Variants in NFIA observed in about 807,000 individuals in gnomAD.
The protein encoded by NFIA is nuclear factor I A.
NFIA carries 8 observed loss-of-function variants against 62.8 expected under a neutral mutation model. That is an observed-to-expected ratio of 0.13 (90% CI 0.07 to 0.23). The LOEUF is 0.23. Ranked by LOEUF, NFIA falls within the 10% of genes least tolerant of loss-of-function variation. NFIA has a pLI of 1.00. For missense variants in NFIA, 410 were observed against 642.1 expected (o/e 0.64, Z 3.91); for synonymous variants, 235 against 238.1 (o/e 0.99, Z 0.12).
intron 7 of NFIA, among the ~76,000 whole-genome samples, chr1:61,388,742 T>C (rs973195324): frequency 6.6e-6 from 1 of 152,206 alleles, no homozygotes; most frequent in Non-Finnish European, 1.5e-5. Context: ...TCAGTGAAGA[T>C]TGTTTTTGGC....
At chr1:61,249,118 C>T (rs1182121399) in intron 2 of NFIA, 1 of 152,160 alleles carries the variant, frequency 6.6e-6, no homozygotes, top group African/African-American at 2.4e-5. Context: ...TCCTGAAAGA[C>T]ATAAAACAAT....
At chr1:61,083,861 G>T (rs1184225100) in intron 1 of NFIA, among the ~76,000 whole-genome samples, 1 of 152,034 alleles carries the variant, frequency 6.6e-6, no homozygotes, top group Non-Finnish European at 1.5e-5. Flanking sequence ...TCAGAGCATG[G>T]GGCTCTTGCG....
chr1:61,415,052 C>G (rs1251459927), intron 9 of NFIA, among the ~76,000 whole-genome samples: 2 of 152,100 alleles, frequency 1.3e-5, no homozygotes, highest in Non-Finnish European at 2.9e-5. Flanking sequence ...ACCAGTGCTG[C>G]TGCTATCCCA....
chr1:61,275,428 C>T (rs925127501), intron 2 of NFIA, among the ~76,000 whole-genome samples: 2 of 151,992 alleles, frequency 1.3e-5, no homozygotes, highest in Admixed American at 6.6e-5. Flanking sequence ...TCCCTTTTTG[C>T]TTTAATATTC....
chr1:61,423,867 C>G (rs1666747925), intron 9 of NFIA, among the ~76,000 whole-genome samples: 1 of 152,012 alleles, frequency 6.6e-6, no homozygotes, highest in Admixed American at 6.6e-5. Context: ...CCTTTATTTT[C>G]CCTGTGTCCT....
chr1:61,291,257 C>T (rs954208244), intron 3 of NFIA, among the ~76,000 whole-genome samples: 2 of 152,190 alleles, frequency 1.3e-5, no homozygotes, highest in Non-Finnish European at 2.9e-5. Context: ...GAATTCAGTT[C>T]TATCTGAGCA....
intron 3 of NFIA, among the ~76,000 whole-genome samples, chr1:61,308,253 G>A (rs1208692789): frequency 6.6e-6 from 1 of 152,158 alleles, no homozygotes; most frequent in Non-Finnish European, 1.5e-5. Context: ...TAGAAAGCAG[G>A]TGATGATGAC....
intron 3 of NFIA, among the ~76,000 whole-genome samples, chr1:61,313,816 G>C (rs1660235066): frequency 6.6e-6 from 1 of 152,150 alleles, no homozygotes; most frequent in Non-Finnish European, 1.5e-5. Context: ...TCCGCCTCTG[G>C]AGTAGGTGTT....
In NFIA at chr1:61,088,789, A is replaced by G. The variant is rs1345621493; in HGVS notation, c.559+109A>G. The G allele has an allele frequency of 1.1e-5, 14 of 1,265,046 alleles. No homozygotes were observed. The highest frequency in any genetic ancestry group is 9.8e-6 in the Non-Finnish European group (9 of 921,436). 78.4% of individuals were successfully genotyped at this position (1,265,046 alleles called of 1,614,324 possible). A position where few individuals can be genotyped will look rare whatever the true frequency, so the allele number is the denominator to read the frequency against. The stretch of plus-strand genomic sequence containing the variant: ...GAGCTCCCCAAGTTGCAGGCCACGT[A>G]CATGAAGCCAGTGTGGTTTCAAAGA... On this transcript the variant is annotated intron_variant, in intron 2 of 10. Coordinates refer to ENST00000403491, the MANE Select transcript of NFIA (RefSeq NM_001134673.4). This position sits in a 1 kb window ranked among gnomAD's most constrained non-coding sequence, Gnocchi z 4.5.
intron 2 of NFIA, among the ~76,000 whole-genome samples, chr1:61,212,855 T>C (rs1653352903): frequency 6.6e-6 from 1 of 152,170 alleles, no homozygotes; most frequent in Non-Finnish European, 1.5e-5. Flanking sequence ...AAGTAGACCA[T>C]ACTTATTTTC....
intron 2 of NFIA, among the ~76,000 whole-genome samples, chr1:61,124,143 G>C (rs1437473842): frequency 6.6e-6 from 1 of 152,156 alleles, no homozygotes; most frequent in African/African-American, 2.4e-5. Context: ...GAGGACTGCT[G>C]GTGTAGTGAG....
At chr1:61,420,334 G>A (rs1433707839) in intron 9 of NFIA, among the ~76,000 whole-genome samples, 1 of 150,782 alleles carries the variant, frequency 6.6e-6, no homozygotes, top group Non-Finnish European at 1.5e-5. Context: ...TTTTCTAACA[G>A]TTTCTGCATT....
At chr1:61,202,492 T>C (rs556667364) in intron 2 of NFIA, among the ~76,000 whole-genome samples, 5 of 152,336 alleles carry the variant, frequency 3.3e-5, no homozygotes, top group African/African-American at 1.2e-4. Context: ...AATCCTTTCC[T>C]AGATATTCTG....
Position 61,334,535 on chromosome 1 carries a change from A to ATGTGTGTG in NFIA, c.700+1963_700+1970dup, listed in dbSNP as rs35661377. Among the ~76,000 whole-genome samples the ATGTGTGTG allele has an allele frequency of 4.9e-3, 286 of 58,398 alleles. 22 individuals are homozygous for ATGTGTGTG. The highest frequency in any genetic ancestry group is 0.029 in the African/African-American group (253 of 8,604). 38.3% of individuals were successfully genotyped at this position (58,398 alleles called of 152,430 possible). Reference sequence around the variant, plus strand: ...GGGGAGTATTTGTGTGTGTGTATATATGTGTGTGTGTGTGTGTGTGTATAT... The same window carrying ATGTGTGTG: ...GGGGAGTATTTGTGTGTGTGTATATATGTGTGTGTGTGTGTGTGTGTGTGTGTGTATAT... On this transcript the variant is annotated intron_variant, in intron 4 of 10. Transcript: ENST00000403491.
chr1:61,126,464 A>ACACACACACT, intron 2 of NFIA, among the ~76,000 whole-genome samples: 1 of 151,188 alleles, frequency 6.6e-6, no homozygotes, highest in Non-Finnish European at 1.5e-5. Flanking sequence ...ACACACACAC[A>ACACACACACT]CACACACACA....
intron 4 of NFIA, among the ~76,000 whole-genome samples, chr1:61,345,662 A>G (rs1662191236): frequency 6.6e-6 from 1 of 152,154 alleles, no homozygotes; most frequent in Non-Finnish European, 1.5e-5. Flanking sequence ...TAGGAACGCA[A>G]ACCCTATTGT....
chr1:61,317,268 CAAGT>C (rs1326690836), intron 3 of NFIA, among the ~76,000 whole-genome samples: 1 of 152,076 alleles, frequency 6.6e-6, no homozygotes, highest in African/African-American at 2.4e-5. Flanking sequence ...TGATCTCCTG[CAAGT>C]AAGATTGACC....
rs1367950150 is a variant in NFIA at position 61,458,526 on chromosome 1, C to T, written c.*3206C>T. 2 of 152,156 alleles carry T rather than the reference C, an allele frequency of 1.3e-5. No individual in the cohort carries two copies. The highest frequency in any genetic ancestry group is 4.8e-5 in the African/African-American group (2 of 41,434). The allele number at this position is 152,156 out of a possible 1,614,324, so 9.4% of individuals were successfully genotyped here. On this transcript the variant is annotated 3_prime_UTR_variant, in exon 11 of 11. Transcript: ENST00000403491. The stretch of plus-strand genomic sequence containing the variant: ...ATTTATTCTACCCTATTTTATAATG[C>T]AGGACTTTTGTAATGTTGTTTAAAT...
intron 5 of NFIA, among the ~76,000 whole-genome samples, chr1:61,353,379 C>T (rs2100432180): frequency 6.6e-6 from 1 of 152,222 alleles, no homozygotes; most frequent in Non-Finnish European, 1.5e-5. Flanking sequence ...CAAAATGAAG[C>T]ATTTTTGCAA....
Sources: gnomAD v4.1 joint callset for allele counts (sites outside exome capture counted in the v4.1 genomes callset) on GRCh38, gnomAD v4.1.1 for gene constraint, Gnocchi (gnomAD v3.1) non-coding constraint, MANE v1.5 for transcripts, NCBI Gene and HGNC (gene_info 2026-07-23, HGNC 2026-07-21) for gene names.